ZNRF1: variants seen among roughly 807,000 people sequenced by gnomAD.
ZNRF1 encodes zinc and ring finger 1, also known as E3 ubiquitin-protein ligase ZNRF1.
A neutral mutation model predicts 18.4 loss-of-function variants in ZNRF1; 3 were observed. The observed-to-expected ratio is 0.16, with a 90% CI of 0.07 to 0.42. The LOEUF (loss-of-function observed/expected upper bound fraction) is 0.42, where lower values mean the gene tolerates loss of function less well. ZNRF1 is among the 10% of genes least tolerant of loss of function. The pLI is 0.99. For missense variants in ZNRF1, 310 were observed against 329.8 expected (o/e 0.94, Z 0.47); for synonymous variants, 157 against 144.2 (o/e 1.09, Z -0.64).
chr16:75,025,282 A>G (rs1283608168), intron 1 of ZNRF1, among the ~76,000 whole-genome samples: 1 of 152,048 alleles, frequency 6.6e-6, no homozygotes, highest in African/African-American at 2.4e-5. Flanking sequence ...GTTAGCCAGG[A>G]TAGTCTCGAT....
intron 1 of ZNRF1, among the ~76,000 whole-genome samples, chr16:75,003,795 T>C (rs1027209680): frequency 2.0e-5 from 3 of 152,200 alleles, no homozygotes; most frequent in Admixed American, 1.3e-4. Context: ...TCACAATTTA[T>C]TCATCTGTAA....
chr16:75,048,023 C>T (rs547399687), intron 1 of ZNRF1, among the ~76,000 whole-genome samples: 1 of 151,862 alleles, frequency 6.6e-6, no homozygotes, highest in African/African-American at 2.4e-5. Context: ...GTGATCATGG[C>T]TCACTATAGC....
chr16:75,073,743 G>A (rs940209624), intron 1 of ZNRF1, among the ~76,000 whole-genome samples: 10 of 151,938 alleles, frequency 6.6e-5, no homozygotes, highest in African/African-American at 1.9e-4. Context: ...GACCTTGCCC[G>A]TTCCCCTGGG....
intron 1 of ZNRF1, among the ~76,000 whole-genome samples, chr16:75,073,668 A>C (rs1348796688): frequency 6.6e-6 from 1 of 152,170 alleles, no homozygotes; most frequent in African/African-American, 2.4e-5. Context: ...GATCTGTCCG[A>C]CGTGCACATT....
chr16:75,101,718 A>G (rs1005792754), intron 2 of ZNRF1, among the ~76,000 whole-genome samples: 1 of 152,252 alleles, frequency 6.6e-6, no homozygotes, highest in Non-Finnish European at 1.5e-5. Flanking sequence ...AAAGTAGTGC[A>G]CATTCGAACG....
intron 1 of ZNRF1, chr16:75,046,629 A>G (rs4491556): frequency 0.87 from 133,130 of 152,240 alleles, 58,695 homozygotes; most frequent in Non-Finnish European, 0.93. Context: ...AGGCTGGAGC[A>G]CAGTGGCGCG....
intron 2 of ZNRF1, among the ~76,000 whole-genome samples, chr16:75,103,177 G>A (rs550609517): frequency 1.8e-4 from 27 of 152,222 alleles, no homozygotes; most frequent in African/African-American, 6.5e-4. Context: ...ATTCACTGTC[G>A]CCGGCACGCA....
chr16:75,040,598 G>GTTTTTTTTTTTT (rs61513153), intron 1 of ZNRF1, among the ~76,000 whole-genome samples: 1 of 46,354 alleles, frequency 2.2e-5, no homozygotes, highest in African/African-American at 8.0e-5. Context: ...TTTTTTGTGG[G>GTTTTTTTTTTTT]TTTTTTTTTT....
intron 1 of ZNRF1, among the ~76,000 whole-genome samples, chr16:75,013,592 G>A (rs1231599595): frequency 2.0e-5 from 3 of 152,100 alleles, no homozygotes; most frequent in African/African-American, 2.4e-5. Flanking sequence ...TGATCCACCC[G>A]CCTTGGCCTC....
At chr16:75,031,218 G>A (rs561681104) in intron 1 of ZNRF1, among the ~76,000 whole-genome samples, 38 of 150,420 alleles carry the variant, frequency 2.5e-4, no homozygotes, top group South Asian at 1.1e-3. Flanking sequence ...CGCAATCTCC[G>A]CCTCCTGGGT....
At chr16:75,066,651 C>T (rs983261199) in intron 1 of ZNRF1, among the ~76,000 whole-genome samples, 6 of 152,020 alleles carry the variant, frequency 3.9e-5, no homozygotes, top group African/African-American at 1.2e-4. Flanking sequence ...TACAGGCATG[C>T]GCCACCATGC....
chr16:75,092,278 G>A (rs1210340915), intron 1 of ZNRF1, among the ~76,000 whole-genome samples: 1 of 152,130 alleles, frequency 6.6e-6, no homozygotes, highest in Non-Finnish European at 1.5e-5. Flanking sequence ...GGAGGAGGAG[G>A]GGTTGGTCTT....
At chr16:75,001,250 G>T (rs1340259285) in intron 1 of ZNRF1, among the ~76,000 whole-genome samples, 1 of 152,108 alleles carries the variant, frequency 6.6e-6, no homozygotes, top group Non-Finnish European at 1.5e-5. Flanking sequence ...GTGAAATAGG[G>T]TTGACTTTTG....
chr16:75,025,432 T>C (rs971142772), intron 1 of ZNRF1, among the ~76,000 whole-genome samples: 2 of 152,162 alleles, frequency 1.3e-5, no homozygotes, highest in African/African-American at 2.4e-5. Context: ...TGAAATCTAT[T>C]CACAGCACAC....
intron 2 of ZNRF1, among the ~76,000 whole-genome samples, chr16:75,098,943 T>A (rs2036227899): frequency 6.6e-6 from 1 of 152,172 alleles, no homozygotes; most frequent in African/African-American, 2.4e-5. Flanking sequence ...TACTCGAGCC[T>A]GGCATGGTGG....
chr16:75,023,723 C>G (rs1269071017), intron 1 of ZNRF1, among the ~76,000 whole-genome samples: 1 of 151,862 alleles, frequency 6.6e-6, no homozygotes, highest in Non-Finnish European at 1.5e-5. Context: ...AAAGGTCACA[C>G]CAGCCTGGGC....
chr16:75,073,013 G>C (rs1294062670), intron 1 of ZNRF1, among the ~76,000 whole-genome samples: 1 of 152,122 alleles, frequency 6.6e-6, no homozygotes. Flanking sequence ...GGGCCAGGCA[G>C]GTACAGTAGC....
At chr16:75,079,305 C>G (rs2035981505) in intron 1 of ZNRF1, among the ~76,000 whole-genome samples, 1 of 152,122 alleles carries the variant, frequency 6.6e-6, no homozygotes, top group East Asian at 1.9e-4. Flanking sequence ...CATGGTGAAA[C>G]CCCGTCTCTA....
intron 1 of ZNRF1, 96 bp from the exon 2 acceptor site, chr16:75,093,476 C>A: frequency 1.1e-6 from 1 of 946,310 alleles, no homozygotes; most frequent in Non-Finnish European, 1.7e-6. Context: ...CCACATTGAC[C>A]CTGAGCCCAC....
Sources: gnomAD v4.1 joint callset for allele counts (sites outside exome capture counted in the v4.1 genomes callset) on GRCh38, gnomAD v4.1.1 for gene constraint, MANE v1.5 for transcripts, NCBI Gene and HGNC (gene_info 2026-07-23, HGNC 2026-07-21) for gene names.